FAXDC2: variants seen among roughly 807,000 people sequenced by gnomAD.
The protein encoded by FAXDC2 is fatty acid hydroxylase domain-containing protein 2.
FAXDC2 carries 41 observed loss-of-function variants against 40.9 expected under a neutral mutation model. The ratio of observed to expected loss-of-function variants is 1.00; its 90% CI spans 0.78 to 1.30. The LOEUF is 1.30. Ranked by LOEUF, FAXDC2 falls within the 50% of genes most tolerant of loss-of-function variation. The probability of loss-of-function intolerance (pLI) is 0.00; values close to 1 mark genes in which losing one functional copy is unlikely to be tolerated. For synonymous variants in FAXDC2, 157 were observed against 149.3 expected, an observed-to-expected ratio of 1.05 and a Z score of -0.38; for missense variants, 390 against 408.8, an observed-to-expected ratio of 0.95 and a Z score of 0.40.
chr5:154,838,598 G>A (rs1269024879), intron 1 of FAXDC2: 2 of 211,678 alleles, frequency 9.4e-6, no homozygotes, highest in African/African-American at 4.8e-5. Context: ...AAGTTGGTTT[G>A]GTTTGTTCTT....
intron 1 of FAXDC2, among the ~76,000 whole-genome samples, chr5:154,847,443 C>G (rs1478971961): frequency 6.6e-6 from 1 of 151,234 alleles, no homozygotes; most frequent in African/African-American, 2.4e-5. Flanking sequence ...TTTTATTTGT[C>G]TACAGCCCAA....
chr5:154,842,118 G>C (rs982635909), intron 1 of FAXDC2, among the ~76,000 whole-genome samples: 6 of 152,138 alleles, frequency 3.9e-5, no homozygotes, highest in African/African-American at 1.4e-4. Context: ...GGAGGTAGTG[G>C]TGTTAGGTAC....
intron 1 of FAXDC2, among the ~76,000 whole-genome samples, chr5:154,848,249 G>GA (rs1760651417): frequency 6.6e-6 from 1 of 152,092 alleles, no homozygotes; most frequent in Non-Finnish European, 1.5e-5. Context: ...AGAGGGGGGA[G>GA]AAAAAAGACC....
intron 4 of FAXDC2, 41 bp from the exon 5 acceptor site, chr5:154,830,963 T>C (rs1027451874): frequency 1.2e-6 from 2 of 1,610,050 alleles, no homozygotes; most frequent in Admixed American, 3.3e-5. Context: ...GACTTTGGGT[T>C]CTCACAGCAC....
Position 154,834,745 on chromosome 5 carries a change from G to A in FAXDC2, c.141-17C>T. On this transcript the variant is annotated splice_polypyrimidine_tract_variant and intron_variant, in intron 3 of 8. Transcript: ENST00000326080. ...TGAAGATGCCTTGGAAAAAAAACCAGGTTTCTGGGTGAAGACTAGTGGGTG... is the reference window on the plus strand; with the variant it reads ...TGAAGATGCCTTGGAAAAAAAACCAAGTTTCTGGGTGAAGACTAGTGGGTG... 6.2e-7 allele frequency: 1 copy of A among 1,612,160 alleles called. No homozygotes were observed.
At chr5:154,839,229 G>A (rs923193735) in intron 1 of FAXDC2, among the ~76,000 whole-genome samples, 6 of 150,810 alleles carry the variant, frequency 4.0e-5, no homozygotes, top group South Asian at 4.2e-4. Flanking sequence ...AGGAGGCTGC[G>A]GCAGGAGAAT....
At chr5:154,824,459 C>T (rs1411635648) in intron 5 of FAXDC2, 6 of 702,266 alleles carry the variant, frequency 8.5e-6, no homozygotes, top group African/African-American at 3.5e-5. Context: ...TTGAGGCCTG[C>T]CTCTTCCTCC....
At chr5:154,824,796 C>CAT (rs1311669649) in intron 5 of FAXDC2, 2 of 484,164 alleles carry the variant, frequency 4.1e-6, no homozygotes, top group Admixed American at 6.7e-5. Flanking sequence ...AATATAAAAA[C>CAT]ATATATATCA....
chr5:154,842,857 T>A (rs934350671), intron 1 of FAXDC2, among the ~76,000 whole-genome samples: 1 of 150,908 alleles, frequency 6.6e-6, no homozygotes, highest in Non-Finnish European at 1.5e-5. Context: ...AATAGAGATA[T>A]AGGGTCTTGC....
chr5:154,839,795 A>T (rs1760437461), intron 1 of FAXDC2, among the ~76,000 whole-genome samples: 1 of 152,186 alleles, frequency 6.6e-6, no homozygotes, highest in African/African-American at 2.4e-5. Flanking sequence ...TTAGATGACA[A>T]ATTCTCCTCC....
intron 1 of FAXDC2, among the ~76,000 whole-genome samples, chr5:154,847,539 G>A (rs1306414531): frequency 1.4e-5 from 2 of 146,794 alleles, no homozygotes; most frequent in Admixed American, 1.4e-4. Flanking sequence ...GCAGGCTGGA[G>A]TGCAATGGCA....
rs1430143166 is a variant in FAXDC2, at chr5:154,820,274, C to G, written c.*42G>C. 1 of 1,517,624 alleles carries G rather than the reference C, an allele frequency of 6.6e-7. No homozygotes were observed. The allele number at this position is 1,517,624 out of a possible 1,614,324, so 94.0% of individuals were successfully genotyped here. A position where few individuals can be genotyped will look rare whatever the true frequency, so the allele number is the denominator to read the frequency against. On this transcript the variant is annotated 3_prime_UTR_variant, in exon 9 of 9. Transcript: ENST00000326080. Reference sequence around the variant, plus strand: ...TGCAATCAGGAAGCCGTGTCTGCATCCCATGGCTGAGGGACAGCCAGGATG... The same window carrying G: ...TGCAATCAGGAAGCCGTGTCTGCATGCCATGGCTGAGGGACAGCCAGGATG...
intron 8 of FAXDC2, 112 bp from the exon 9 acceptor site, chr5:154,820,584 AC>A (rs1759860295): frequency 1.2e-6 from 1 of 800,558 alleles, no homozygotes; most frequent in African/African-American, 1.8e-5. Flanking sequence ...CACACCTGTC[AC>A]CACCATCCTG....
At chr5:154,845,497 A>G (rs1185347122) in intron 1 of FAXDC2, among the ~76,000 whole-genome samples, 2 of 152,080 alleles carry the variant, frequency 1.3e-5, no homozygotes, top group African/African-American at 2.4e-5. Flanking sequence ...TCTCATGCCT[A>G]TCATCCCAGC....
Position 154,835,120 on chromosome 5 carries a change from C to G in FAXDC2, c.49-186G>C, listed in dbSNP as rs956160819. On this transcript the variant is annotated intron_variant, in intron 2 of 8. Coordinates refer to ENST00000326080, the MANE Select transcript of FAXDC2 (RefSeq NM_032385.5). ...CTCTTCCTTATCAGGAGCTCTCAGG[C>G]TGTACATGGGTGTGTTTATGAAAAT... The G allele has an allele frequency of 2.4e-5, 14 of 579,642 alleles. 1 individual carries two copies. Among genetic ancestry groups the G allele is most frequent in the East Asian group, 1.5e-4 (5 of 34,292 alleles). The allele number at this position is 579,642 out of a possible 1,614,324, so 35.9% of individuals were successfully genotyped here. A position where few individuals can be genotyped will look rare whatever the true frequency, so the allele number is the denominator to read the frequency against.
At chr5:154,831,302 C>T (rs1162951026) in intron 4 of FAXDC2, 1 of 187,522 alleles carries the variant, frequency 5.3e-6, no homozygotes, top group African/African-American at 2.3e-5. Context: ...AAAGGAAGTA[C>T]TCTGTATGGT....
chr5:154,831,104 T>G, intron 4 of FAXDC2, 182 bp from the exon 5 acceptor site: 1 of 550,162 alleles, frequency 1.8e-6, no homozygotes, highest in Non-Finnish European at 3.2e-6. Flanking sequence ...ACAGGCCATT[T>G]AAGGAGTGTC....
At chr5:154,834,070 AATAT>A (rs1038632567) in intron 4 of FAXDC2, among the ~76,000 whole-genome samples, 28 of 147,568 alleles carry the variant, frequency 1.9e-4, no homozygotes, top group African/African-American at 6.8e-4. Context: ...TATTATATAT[AATAT>A]ATATTAAATA....
intron 1 of FAXDC2, chr5:154,838,981 C>T (rs1312495010): frequency 6.6e-6 from 1 of 152,082 alleles, no homozygotes; most frequent in Admixed American, 6.6e-5. Flanking sequence ...GCATTAACCT[C>T]CTTTAAAAAT....
Sources: allele counts gnomAD v4.1 joint callset (sites outside exome capture counted in the v4.1 genomes callset), GRCh38; gene constraint gnomAD v4.1.1; transcripts MANE v1.5; gene names NCBI Gene and HGNC (gene_info 2026-07-23, HGNC 2026-07-21).